The following DOCK1 variants were observed in gnomAD, a reference collection of about 807,000 sequenced individuals.
DOCK1 encodes the protein dedicator of cytokinesis 1.
DOCK1 carries 138 observed loss-of-function variants against 262.7 expected under a neutral mutation model. The ratio of observed to expected loss-of-function variants is 0.53; its 90% CI spans 0.46 to 0.61. DOCK1 has a LOEUF of 0.61. Among genes scored for constraint, DOCK1 ranks in the 20% least tolerant of loss-of-function variants. DOCK1 has a pLI of 0.00. For synonymous variants in DOCK1, 866 were observed against 867.4 expected, an observed-to-expected ratio of 1.00 and a Z score of 0.03; for missense variants, 1,908 against 2,370.7, an observed-to-expected ratio of 0.80 and a Z score of 4.05.
intron 31 of DOCK1, 141 bp downstream of exon 31, chr10:127,343,887 C>A: frequency 1.4e-6 from 1 of 697,714 alleles, no homozygotes; most frequent in Non-Finnish European, 2.4e-6. Context: ...AATCACCAAT[C>A]AGGTATTGCC....
At chr10:127,419,560 T>C in intron 45 of DOCK1, 106 bp from the exon 46 acceptor site, 1 of 1,067,288 alleles carries the variant, frequency 9.4e-7, no homozygotes, top group Non-Finnish European at 1.4e-6. Context: ...TTCGTGTGGA[T>C]CTGTTTTATG....
chr10:127,245,389 G>A (rs1395748933), intron 27 of DOCK1, among the ~76,000 whole-genome samples: 9 of 152,224 alleles, frequency 5.9e-5, no homozygotes, highest in Non-Finnish European at 8.8e-5. Flanking sequence ...CGGCAGCACC[G>A]CCTCTAACTT....
rs542888313 is a variant in DOCK1 at position 127,253,415 on chromosome 10, T to A, written c.2950-3920T>A. Among the ~76,000 whole-genome samples, 118 of 152,314 alleles carry A rather than the reference T, an allele frequency of 7.7e-4. 1 individual carries two copies. Among genetic ancestry groups the A allele is most frequent in the Admixed American group, 1.6e-3 (24 of 15,304 alleles). On this transcript the variant is annotated intron_variant, in intron 28 of 51. Transcript: ENST00000623213. ...ATCCCATTCCCTGACACCAGCTGGA[T>A]GTCCTACAATTCAATTCAATTCTGA...
At chr10:127,356,349 G>T (rs375648500) in intron 32 of DOCK1, among the ~76,000 whole-genome samples, 1 of 152,316 alleles carries the variant, frequency 6.6e-6, no homozygotes, top group Admixed American at 6.5e-5. Flanking sequence ...TTTCTGGGCC[G>T]TTAGATAAAG....
At chr10:127,206,236 C>G (rs543302843) in intron 27 of DOCK1, among the ~76,000 whole-genome samples, 9 of 148,034 alleles carry the variant, frequency 6.1e-5, no homozygotes, top group Non-Finnish European at 1.2e-4. Context: ...CTCCACCTCC[C>G]AAACTCAAGC....
chr10:127,027,660 G>A (rs898588574), intron 16 of DOCK1, among the ~76,000 whole-genome samples: 1 of 152,134 alleles, frequency 6.6e-6, no homozygotes, highest in African/African-American at 2.4e-5. Context: ...CAAGGTGGAG[G>A]CTGGCCACCT....
At chr10:126,951,315 T>C (rs2036211170) in intron 1 of DOCK1, among the ~76,000 whole-genome samples, 1 of 151,696 alleles carries the variant, frequency 6.6e-6, no homozygotes. Flanking sequence ...GTAGTATTGT[T>C]GGTAGTATTG....
At chr10:127,019,037 C>T (rs2042215463) in intron 13 of DOCK1, 11 of 743,556 alleles carry the variant, frequency 1.5e-5, no homozygotes, top group Non-Finnish European at 2.1e-5. Flanking sequence ...CCCCTGTACC[C>T]CTGGATGGAT....
At chr10:127,033,062 C>T (rs1564748753) in intron 18 of DOCK1, among the ~76,000 whole-genome samples, 3 of 152,150 alleles carry the variant, frequency 2.0e-5, no homozygotes, top group South Asian at 4.2e-4. Flanking sequence ...CCTTGTCTGT[C>T]GATACGGGAA....
chr10:126,927,969 C>T (rs2033888001), intron 1 of DOCK1, among the ~76,000 whole-genome samples: 1 of 152,094 alleles, frequency 6.6e-6, no homozygotes, highest in African/African-American at 2.4e-5. Flanking sequence ...GGGGCACCTA[C>T]CCAGGTGCCA....
At chr10:127,444,356 A>C (rs577821511) in intron 50 of DOCK1, 77 bp downstream of exon 50, 1 of 1,476,628 alleles carries the variant, frequency 6.8e-7, no homozygotes, top group Non-Finnish European at 9.0e-7. Flanking sequence ...TGAGGTTAGA[A>C]GCGCTTCCTC....
At chr10:126,967,579 T>C (rs2037765050) in intron 1 of DOCK1, among the ~76,000 whole-genome samples, 1 of 151,996 alleles carries the variant, frequency 6.6e-6, no homozygotes, top group Non-Finnish European at 1.5e-5. Context: ...CGTCCTAAAG[T>C]GTAGGTGTCA....
rs945613353 is a variant in DOCK1 at position 127,401,903 on chromosome 10, C to T, written c.3928-1152C>T. Among the ~76,000 whole-genome samples the T allele has an allele frequency of 5.9e-5, 9 of 152,106 alleles. No individual in the cohort carries two copies. The East Asian group carries it at 1.5e-3, about 26-fold the overall frequency. On this transcript the variant is annotated intron_variant, in intron 38 of 51. Transcript: ENST00000623213. ...CCTTGATCTTTTTTTGTGCAGCAGG[C>T]GGGTGGGGGCTCAGTGCCAAGGGTA...
chr10:127,250,930 C>A (rs909870791), intron 28 of DOCK1, among the ~76,000 whole-genome samples: 1 of 150,424 alleles, frequency 6.6e-6, no homozygotes, highest in Non-Finnish European at 1.5e-5. Context: ...TGTTTGTTAA[C>A]TATACCGAGT....
chr10:127,227,412 T>G (rs1386375490), intron 27 of DOCK1, among the ~76,000 whole-genome samples: 1 of 152,172 alleles, frequency 6.6e-6, no homozygotes, highest in East Asian at 1.9e-4. Flanking sequence ...CTGAGCTGCA[T>G]CCCAGTGTGT....
chr10:127,354,726 T>A lies in DOCK1; in HGVS notation c.3282T>A (p.Leu1094=), dbSNP rs1264326694. The stretch of plus-strand genomic sequence containing the variant: ...AAATCAGAGACATGTGGTACAACCT[T>A]GGTGAGTAGCCTGGATGTGGGGGCA... ...GFEIRDMWYN[L]GQHKIKFIPE... The change falls in exon 32 of 52, where the codon CTT becomes CTA. Residue 1094 remains leucine (L), a splice_region_variant and synonymous_variant. Transcript: ENST00000623213. 1.2e-6 allele frequency: 2 copies of A among 1,613,876 alleles called. No homozygotes were observed.
At position 127,357,643 on chromosome 10, in the gene DOCK1, CAG is replaced by C. The variant is rs2064209786; in HGVS notation, c.3283+2917_3283+2918del. Reference sequence around the variant, plus strand: ...GGTGTGTGTTTTGCAGCTTTTTAGCCAGGAACACTGACTGTGGCCTGAGAAGC... The same window carrying C: ...GGTGTGTGTTTTGCAGCTTTTTAGCCGAACACTGACTGTGGCCTGAGAAGC... On this transcript the variant is annotated intron_variant, in intron 32 of 51. Coordinates refer to ENST00000623213, the MANE Select transcript of DOCK1 (RefSeq NM_001290223.2). 2.0e-5 allele frequency among the ~76,000 whole-genome samples: 3 copies of C among 152,180 alleles called. No homozygotes were observed. The East Asian group carries it at 5.8e-4, about 29-fold the overall frequency.
At chr10:127,319,509 A>G (rs2062427721) in intron 29 of DOCK1, among the ~76,000 whole-genome samples, 1 of 152,238 alleles carries the variant, frequency 6.6e-6, no homozygotes. Context: ...GTAGACGATC[A>G]TTAGCCCATG....
intron 27 of DOCK1, among the ~76,000 whole-genome samples, chr10:127,231,778 T>G (rs1231522658): frequency 1.3e-5 from 2 of 152,234 alleles, no homozygotes; most frequent in African/African-American, 4.8e-5. Flanking sequence ...TAGGCTTTCT[T>G]CTTTTCTTTG....
Sources: allele counts gnomAD v4.1 joint callset (sites outside exome capture counted in the v4.1 genomes callset), GRCh38; gene constraint gnomAD v4.1.1; transcripts MANE v1.5; gene names NCBI Gene and HGNC (gene_info 2026-07-23, HGNC 2026-07-21).